Variants in ADGRL2 observed in about 807,000 individuals in gnomAD.
ADGRL2 encodes the protein adhesion G protein-coupled receptor L2.
ADGRL2 carries 44 observed loss-of-function variants against 157.4 expected under a neutral mutation model. The observed-to-expected ratio is 0.28, with a 90% confidence interval of 0.22 to 0.36. The LOEUF is 0.36. Among genes scored for constraint, ADGRL2 ranks in the 10% least tolerant of loss-of-function variants. The pLI, the probability that ADGRL2 is intolerant of heterozygous loss-of-function variation, is 1.00. For synonymous variants in ADGRL2, 585 were observed against 624.7 expected (o/e 0.94, Z 0.95); for missense variants, 1,510 against 1,768.9 (o/e 0.85, Z 2.63).
chr1:81,725,294 C>A (rs2149146781), intron 1 of ADGRL2, among the ~76,000 whole-genome samples: 1 of 151,468 alleles, frequency 6.6e-6, no homozygotes, highest in African/African-American at 2.4e-5. Flanking sequence ...AATCCCAGCA[C>A]TTTGGGAGGC....
intron 1 of ADGRL2, among the ~76,000 whole-genome samples, chr1:81,723,259 A>G (rs1398444603): frequency 6.6e-6 from 1 of 152,148 alleles, no homozygotes; most frequent in African/African-American, 2.4e-5. Context: ...CCATTAGGGT[A>G]TTCATTCAGA....
chr1:81,956,614 A>G (rs906807351), intron 11 of ADGRL2, among the ~76,000 whole-genome samples: 1 of 152,198 alleles, frequency 6.6e-6, no homozygotes, highest in African/African-American at 2.4e-5. Flanking sequence ...TTAGAATTCA[A>G]ATGCTACCAC....
intron 2 of ADGRL2, chr1:81,514,695 A>G (rs1023525147): frequency 6.6e-6 from 1 of 152,180 alleles, no homozygotes; most frequent in African/African-American, 2.4e-5. Context: ...AATGCTTCTT[A>G]TTTGCCTTTA....
intron 11 of ADGRL2, among the ~76,000 whole-genome samples, chr1:81,959,561 C>T (rs1654661466): frequency 1.3e-5 from 2 of 152,056 alleles, no homozygotes; most frequent in Admixed American, 1.3e-4. Flanking sequence ...CACTTAACTC[C>T]TCTCACTCTT....
intron 2 of ADGRL2, among the ~76,000 whole-genome samples, chr1:81,842,353 C>T (rs1457701326): frequency 1.5e-4 from 8 of 54,950 alleles, no homozygotes; most frequent in Non-Finnish European, 2.1e-4. Flanking sequence ...TCTTTTAGCG[C>T]TTTTTTTTTT....
intron 3 of ADGRL2, among the ~76,000 whole-genome samples, chr1:81,917,014 T>G (rs1265340291): frequency 6.6e-6 from 1 of 151,938 alleles, no homozygotes; most frequent in Non-Finnish European, 1.5e-5. Flanking sequence ...TTTCTTTTTG[T>G]GGGGAACATG....
chr1:81,748,530 C>CAT (rs1468267194), intron 1 of ADGRL2, among the ~76,000 whole-genome samples: 1 of 149,854 alleles, frequency 6.7e-6, no homozygotes, highest in Non-Finnish European at 1.5e-5. Flanking sequence ...GAGTTTTGAC[C>CAT]ATATCTGCAA....
chr1:81,756,819 A>G (rs1452263854), intron 1 of ADGRL2, among the ~76,000 whole-genome samples: 2 of 152,168 alleles, frequency 1.3e-5, no homozygotes, highest in East Asian at 3.9e-4. Flanking sequence ...AATTTTAGAC[A>G]TGATAGGCAC....
chr1:81,541,262 G>C (rs778111592), intron 2 of ADGRL2, among the ~76,000 whole-genome samples: 8 of 152,162 alleles, frequency 5.3e-5, no homozygotes, highest in Non-Finnish European at 1.2e-4. Flanking sequence ...TATATTTACA[G>C]ACTGATTTTC....
rs72940981 is a variant in ADGRL2 at position 81,477,067 on chromosome 1, G to A, written c.-248+31978G>A. On this transcript the variant is annotated intron_variant, in intron 2 of 24. Coordinates refer to the ADGRL2 transcript ENST00000370721. ...CTCTCTGTTCACAGAACTACTTTTC[G>A]TTCTGTTCCTCAGATTGGTTGACCA... Among the ~76,000 whole-genome samples the A allele has an allele frequency of 9.2e-3, 1,397 of 152,140 alleles. 27 individuals carry two copies. The highest frequency in any genetic ancestry group is 0.031 in the African/African-American group (1,299 of 41,476).
intron 2 of ADGRL2, among the ~76,000 whole-genome samples, chr1:81,524,107 T>A (rs79631621): frequency 0.05 from 7,530 of 151,890 alleles, 227 homozygotes; most frequent in Middle Eastern, 0.13. Context: ...ACGCCTGTAA[T>A]CCCAGCACTT....
chr1:81,703,743 A>C (rs1436809443), intron 1 of ADGRL2, among the ~76,000 whole-genome samples: 1 of 152,260 alleles, frequency 6.6e-6, no homozygotes. Flanking sequence ...GTTTCACTTA[A>C]ACATTAACTT....
At chr1:81,699,343 TGCA>T (rs1483567222), upstream of ADGRL2, among the ~76,000 whole-genome samples, 1 of 152,254 alleles carries the variant, frequency 6.6e-6, no homozygotes, top group African/African-American at 2.4e-5. Flanking sequence ...TCCTGCTCAC[TGCA>T]GCCCAATCCT....
At chr1:81,619,800 A>C (rs1011359568) in intron 3 of ADGRL2, among the ~76,000 whole-genome samples, 3 of 151,906 alleles carry the variant, frequency 2.0e-5, no homozygotes, top group African/African-American at 7.3e-5. Context: ...ACCAGGTTAG[A>C]CCAGGGAAGC....
At chr1:81,673,698 T>C (rs2082923778) in intron 3 of ADGRL2, among the ~76,000 whole-genome samples, 1 of 151,952 alleles carries the variant, frequency 6.6e-6, no homozygotes, top group Non-Finnish European at 1.5e-5. Flanking sequence ...TGTATTTTTT[T>C]AGTAGAGACA....
At chr1:81,351,979 T>C (rs762701803) in intron 1 of ADGRL2, among the ~76,000 whole-genome samples, 2 of 152,190 alleles carry the variant, frequency 1.3e-5, no homozygotes, top group Non-Finnish European at 2.9e-5. Context: ...AGCCAGAGAA[T>C]GGCAGCAGAG....
intron 3 of ADGRL2, among the ~76,000 whole-genome samples, chr1:81,605,266 G>C (rs904650610): frequency 5.3e-5 from 8 of 152,134 alleles, no homozygotes; most frequent in Non-Finnish European, 1.5e-5. Context: ...TTCTAAATGT[G>C]CTTGGTGTTT....
intron 3 of ADGRL2, among the ~76,000 whole-genome samples, chr1:81,644,483 C>A (rs2148815521): frequency 6.6e-6 from 1 of 152,248 alleles, no homozygotes; most frequent in African/African-American, 2.4e-5. Context: ...AGATAAAGAA[C>A]TGTTACCTAA....
intron 1 of ADGRL2, among the ~76,000 whole-genome samples, chr1:81,747,114 T>C (rs1169476877): frequency 2.8e-5 from 4 of 145,166 alleles, no homozygotes; most frequent in African/African-American, 1.0e-4. Context: ...TATATGTGTA[T>C]ATATGTGTAT....
Sources: gnomAD v4.1 joint callset for allele counts (sites outside exome capture counted in the v4.1 genomes callset) on GRCh38, gnomAD v4.1.1 for gene constraint, MANE v1.5 for transcripts, NCBI Gene and HGNC (gene_info 2026-07-23, HGNC 2026-07-21) for gene names.